The following TTC1 variants were observed in gnomAD, a reference collection of about 807,000 sequenced individuals.
TTC1 encodes tetratricopeptide repeat protein 1.
Under a neutral mutation model 37.6 loss-of-function variants are expected in TTC1, and 31 were observed. The ratio of observed to expected loss-of-function variants is 0.82; its 90% CI spans 0.62 to 1.11. TTC1 has a LOEUF of 1.11. Ranked by LOEUF, TTC1 falls within the 50% of genes most tolerant of loss-of-function variation. TTC1 has a pLI of 0.00. For synonymous variants in TTC1, 127 were observed against 122.4 expected (o/e 1.04, Z -0.25); for missense variants, 351 against 339.0 (o/e 1.04, Z -0.28).
At chr5:160,043,212 T>C (rs778916246) in intron 5 of TTC1, 43 bp downstream of exon 5, 1 of 1,609,440 alleles carries the variant, frequency 6.2e-7, no homozygotes, top group East Asian at 2.2e-5. Flanking sequence ...TACAGGAGCA[T>C]TATGTCAGAC....
chr5:160,065,098 G>A lies in TTC1; in HGVS notation c.*33G>A, dbSNP rs773093791. The stretch of plus-strand genomic sequence containing the variant: ...AACAAAAGCTTTACAAGCTGACTTG[G>A]AATTGTGTGCTGCTTGCTGTTAGCT... On this transcript the variant is annotated 3_prime_UTR_variant, in exon 8 of 8. Transcript: ENST00000231238. 1 of 1,600,756 alleles carries A rather than the reference G, an allele frequency of 6.2e-7. No homozygotes were observed. Among genetic ancestry groups the A allele is most frequent in the South Asian group, 1.1e-5 (1 of 88,424 alleles).
At position 160,009,517 on chromosome 5, in the gene TTC1, C is replaced by G. The variant is rs78415641; in HGVS notation, c.-30+324C>G. Among the ~76,000 whole-genome samples the G allele has an allele frequency of 2.8e-3, 423 of 152,240 alleles. 4 individuals are homozygous for G. Among genetic ancestry groups the G allele is most frequent in the African/African-American group, 9.8e-3 (407 of 41,512 alleles). ...ATCTGTCGCAAATTTTTGCAAATGT[C>G]TGGGCTGCTGATGCTCTGACTCAGC... On this transcript the variant is annotated intron_variant, in intron 1 of 7. Coordinates refer to ENST00000231238, the MANE Select transcript of TTC1 (RefSeq NM_003314.3).
At chr5:160,049,701 C>A (rs182036182) in intron 6 of TTC1, 39 bp downstream of exon 6, 3 of 1,443,748 alleles carry the variant, frequency 2.1e-6, no homozygotes, top group South Asian at 1.5e-5. Context: ...TCCTTCTATT[C>A]TTTGTGTTGC....
At chr5:160,055,459 C>T (rs996280496) in intron 7 of TTC1, among the ~76,000 whole-genome samples, 2 of 152,204 alleles carry the variant, frequency 1.3e-5, no homozygotes, top group African/African-American at 4.8e-5. Context: ...AATATAAGCT[C>T]TCTCATCAAG....
At chr5:160,064,143 AT>A in intron 7 of TTC1, among the ~76,000 whole-genome samples, 1 of 151,594 alleles carries the variant, frequency 6.6e-6, no homozygotes. Flanking sequence ...TGATTTTTGT[AT>A]TTTTTGTAGA....
intron 2 of TTC1, among the ~76,000 whole-genome samples, chr5:160,026,983 C>G (rs1341643845): frequency 1.3e-5 from 2 of 150,032 alleles, no homozygotes; most frequent in Admixed American, 1.3e-4. Context: ...AATTGTAATG[C>G]ACATCTTTTT....
At position 160,065,465 on chromosome 5, in the gene TTC1, C is replaced by G. The variant is rs1372998178; in HGVS notation, c.*400C>G. On this transcript the variant is annotated 3_prime_UTR_variant, in exon 8 of 8. Transcript: ENST00000231238. ...ATGACGGGTTCCCGCCTGCTGTCCC[C>G]TCCCTGATCACACAGCTAACGAGGC... The G allele has an allele frequency of 2.2e-6, 1 of 456,326 alleles. No individual in the cohort carries two copies. The highest frequency in any genetic ancestry group is 6.9e-5 in the East Asian group (1 of 14,528). The allele number at this position is 456,326 out of a possible 1,614,324, so 28.3% of individuals were successfully genotyped here.
chr5:160,055,028 C>CT (rs779093189), intron 7 of TTC1, among the ~76,000 whole-genome samples: 9 of 152,112 alleles, frequency 5.9e-5, no homozygotes, highest in Non-Finnish European at 8.8e-5. Context: ...GAGTGCCTTC[C>CT]TGGGGGTTGG....
At position 160,064,984 on chromosome 5, in the gene TTC1, G is replaced by A. The variant is rs373621862; in HGVS notation, c.798G>A (p.Thr266=). 5.6e-6 allele frequency: 9 copies of A among 1,613,946 alleles called. No homozygotes were observed. Among genetic ancestry groups the A allele is most frequent in the African/African-American group, 1.3e-5 (1 of 75,002 alleles). The change falls in exon 8 of 8, where the codon ACG becomes ACA. Residue 266 remains threonine (T), a synonymous_variant. Transcript: ENST00000231238. ...NLVLRPFGLS[T]ENFQIKQDSS... ...TTCTCCGACCTTTTGGGCTCTCCAC[G>A]GAAAATTTCCAGATCAAACAGGATT...
At position 160,010,631 on chromosome 5, in the gene TTC1, G is replaced by A. The variant is rs765124612; in HGVS notation, c.103G>A (p.Asp35Asn). ...EAECAGPPVP[D>N]PKNQHSQSKL... ...CGAGTGTGCTGGCCCTCCAGTTCCTGATCCCAAAAATCAGCATTCCCAGAG... is the reference window on the plus strand; with the variant it reads ...CGAGTGTGCTGGCCCTCCAGTTCCTAATCCCAAAAATCAGCATTCCCAGAG... Residue 35 changes from aspartate (D) to asparagine (N), a missense_variant, in exon 2 of 8, where the codon GAT becomes AAT. By Grantham distance (23) the Asp-to-Asn change is conservative. Transcript: ENST00000231238. 22 of 1,614,090 alleles carry A rather than the reference G, an allele frequency of 1.4e-5. No individual in the cohort carries two copies. In the Middle Eastern group the frequency reaches 1.2e-3, roughly 85 times the overall value.
chr5:160,014,515 T>A (rs567754774), intron 2 of TTC1, among the ~76,000 whole-genome samples: 1,629 of 150,758 alleles, frequency 0.011, 21 homozygotes, highest in African/African-American at 0.022. Flanking sequence ...AAAAAAAAAT[T>A]TTTTTTTAAT....
chr5:160,046,105 T>C (rs558525085), intron 5 of TTC1, among the ~76,000 whole-genome samples: 1 of 152,278 alleles, frequency 6.6e-6, no homozygotes. Context: ...TGCTGTACCA[T>C]TTATCTGATC....
chr5:160,009,384 G>GT (rs1412481130), intron 1 of TTC1, among the ~76,000 whole-genome samples, 191 bp downstream of exon 1: 3 of 152,134 alleles, frequency 2.0e-5, no homozygotes, highest in Non-Finnish European at 4.4e-5. Context: ...GATCTTGCTG[G>GT]TTTTTTAAGT....
chr5:160,016,347 C>T (rs1561624847), intron 2 of TTC1, among the ~76,000 whole-genome samples: 2 of 152,160 alleles, frequency 1.3e-5, no homozygotes, highest in Non-Finnish European at 2.9e-5. Context: ...CACTGCACTC[C>T]AGCCTGGGTG....
chr5:160,036,228 T>G (rs1194226682), intron 3 of TTC1, among the ~76,000 whole-genome samples: 1 of 152,220 alleles, frequency 6.6e-6, no homozygotes, highest in Non-Finnish European at 1.5e-5. Context: ...GGATGCTGTT[T>G]TAGCCAGGTT....
intron 5 of TTC1, among the ~76,000 whole-genome samples, chr5:160,046,456 C>G (rs951238591): frequency 6.6e-6 from 1 of 152,106 alleles, no homozygotes; most frequent in African/African-American, 2.4e-5. Context: ...TTGGAAGTCT[C>G]TAGATCTTAG....
intron 7 of TTC1, among the ~76,000 whole-genome samples, chr5:160,060,238 G>A (rs1757661432): frequency 6.6e-6 from 1 of 152,186 alleles, no homozygotes; most frequent in Admixed American, 6.5e-5. Context: ...TGAAAACACA[G>A]CATTCCTGGT....
At chr5:160,015,191 A>G (rs988879899) in intron 2 of TTC1, among the ~76,000 whole-genome samples, 1 of 152,130 alleles carries the variant, frequency 6.6e-6, no homozygotes. Flanking sequence ...AGTGCTGGAG[A>G]TTAAGCTCCA....
intron 2 of TTC1, among the ~76,000 whole-genome samples, chr5:160,030,914 A>G (rs1436583136): frequency 6.6e-6 from 1 of 152,192 alleles, no homozygotes; most frequent in Non-Finnish European, 1.5e-5. Flanking sequence ...CTTTCCTCTG[A>G]TAGTGCTGCA....
Sources: allele counts gnomAD v4.1 joint callset (sites outside exome capture counted in the v4.1 genomes callset), GRCh38; gene constraint gnomAD v4.1.1; transcripts MANE v1.5; gene names NCBI Gene and HGNC (gene_info 2026-07-23, HGNC 2026-07-21).